Variants in SPAG17 observed in about 807,000 individuals in gnomAD.
SPAG17 encodes the protein sperm-associated antigen 17.
In SPAG17, 169 loss-of-function variants were observed where a neutral mutation model predicts 273.6. The ratio of observed to expected loss-of-function variants is 0.62; its 90% CI spans 0.55 to 0.70. The LOEUF (loss-of-function observed/expected upper bound fraction) is 0.70, where lower values mean the gene tolerates loss of function less well. SPAG17 is among the 30% of genes least tolerant of loss of function. The pLI is 0.00. For synonymous variants in SPAG17, 825 were observed against 873.2 expected (o/e 0.94, Z 0.97); for missense variants, 2,557 against 2,627.8 (o/e 0.97, Z 0.59).
chr1:118,041,837 G>A lies in SPAG17; in HGVS notation c.3020C>T (p.Ser1007Phe), dbSNP rs71670818. Residue 1007 changes from serine to phenylalanine, a missense_variant, in exon 21 of 49, where the codon TCC (serine) becomes TTC (phenylalanine). Transcript: ENST00000336338. ...TATCTTAGGTTCTGGTTGGTGGGGGGACTCTTCTGTTACTTCTTGGATCTT... is the reference window on the plus strand; with the variant it reads ...TATCTTAGGTTCTGGTTGGTGGGGGAACTCTTCTGTTACTTCTTGGATCTT... ...QVKIQEVTEE[S>F]PHQPEPKITY... The A allele has an allele frequency of 6.2e-7, 1 of 1,613,450 alleles. No homozygotes were observed. The highest frequency in any genetic ancestry group is 1.3e-5 in the African/African-American group (1 of 74,842).
rs1654572411 is a variant in SPAG17, at chr1:118,081,555, T to G, written c.1850A>C (p.Lys617Thr). ...LKLSEVDEKG[K>T]LKPSGMMCGS... ...ACACATCATCCCAGAAGGTTTCAGT[T>G]TCCCTTTTTCATCAACCTCAGAGAG... Residue 617 changes from lysine to threonine, a missense_variant, in exon 14 of 49, where the codon AAA becomes ACA. Coordinates refer to ENST00000336338, the MANE Select transcript of SPAG17 (RefSeq NM_206996.4). The G allele has an allele frequency of 1.2e-6, 2 of 1,613,904 alleles. No individual in the cohort carries two copies. The highest frequency in any genetic ancestry group is 1.7e-6 in the Non-Finnish European group (2 of 1,179,986).
chr1:118,026,281 A>T (rs1273645829), intron 26 of SPAG17, among the ~76,000 whole-genome samples: 2 of 152,234 alleles, frequency 1.3e-5, no homozygotes, highest in African/African-American at 4.8e-5. Flanking sequence ...AAGCTCCTTC[A>T]AAAGCAAGCA....
At chr1:117,966,836 T>A in intron 46 of SPAG17, 83 bp from the exon 47 acceptor site, 1 of 1,204,198 alleles carries the variant, frequency 8.3e-7, no homozygotes. Context: ...AGCAAGTTAC[T>A]TAAACTCTCT....
At chr1:118,000,849 T>G (rs1571201222) in intron 32 of SPAG17, among the ~76,000 whole-genome samples, 1 of 152,188 alleles carries the variant, frequency 6.6e-6, no homozygotes, top group African/African-American at 2.4e-5. Flanking sequence ...CCAGAACTTC[T>G]GACACTATGT....
At chr1:118,159,184 G>A (rs1659793739) in intron 1 of SPAG17, among the ~76,000 whole-genome samples, 1 of 152,202 alleles carries the variant, frequency 6.6e-6, no homozygotes, top group African/African-American at 2.4e-5. Context: ...TTGATGTTTA[G>A]ACAACACTGT....
intron 24 of SPAG17, among the ~76,000 whole-genome samples, chr1:118,033,214 C>T (rs1217225792): frequency 6.6e-6 from 1 of 152,114 alleles, no homozygotes; most frequent in Non-Finnish European, 1.5e-5. Context: ...CAGTTCCAGA[C>T]CTATATTTCT....
chr1:117,991,586 CA>C, intron 36 of SPAG17, 58 bp from the exon 37 acceptor site: 1 of 1,030,950 alleles, frequency 9.7e-7, no homozygotes, highest in Non-Finnish European at 1.4e-6. Context: ...GAGAGAGATA[CA>C]AAAATGGTCA....
intron 36 of SPAG17, 50 bp from the exon 37 acceptor site, chr1:117,991,578 G>T: frequency 8.6e-7 from 1 of 1,168,350 alleles, no homozygotes. Context: ...ATTAGGAAGA[G>T]AGAGATACAA....
rs762540191 is a variant in SPAG17 at position 118,031,793 on chromosome 1, C to T, written c.3508G>A (p.Val1170Met). ...ALTPTVVPVI[V>M]TVPQSKAKGK... ...TTAGCTTTGCTTTGAGGAACGGTCACTATAACAGGAACCACTGTTGGAGTG... is the reference window on the plus strand; with the variant it reads ...TTAGCTTTGCTTTGAGGAACGGTCATTATAACAGGAACCACTGTTGGAGTG... Residue 1170 changes from valine to methionine, a missense_variant, in exon 25 of 49, where the codon GTG (valine) becomes ATG (methionine). Val to Met is a conservative substitution (Grantham distance 21, BLOSUM62 1). Coordinates refer to ENST00000336338, the MANE Select transcript of SPAG17 (RefSeq NM_206996.4). 80 of 1,613,632 alleles carry T rather than the reference C, an allele frequency of 5.0e-5. No individual in the cohort carries two copies. Among genetic ancestry groups the T allele is most frequent in the Non-Finnish European group, 6.7e-5 (79 of 1,179,814 alleles).
intron 17 of SPAG17, among the ~76,000 whole-genome samples, chr1:118,071,572 C>T (rs1482094173): frequency 6.6e-6 from 1 of 151,910 alleles, no homozygotes; most frequent in Non-Finnish European, 1.5e-5. Context: ...ATCACTTGAA[C>T]CTGGAAGGCA....
chr1:118,060,095 T>C lies in SPAG17; in HGVS notation c.2541-4181A>G, dbSNP rs182507672. Among the ~76,000 whole-genome samples the C allele has an allele frequency of 5.2e-4, 79 of 152,288 alleles. 1 individual carries two copies. The East Asian group carries it at 0.013, about 25-fold the overall frequency. The stretch of plus-strand genomic sequence containing the variant: ...AATTTTCAATTTTGTTTTATGGTTC[T>C]TTTGTTTCTTTCCTACTCTTTTGCT... On this transcript the variant is annotated intron_variant, in intron 18 of 48. Coordinates refer to ENST00000336338, the MANE Select transcript of SPAG17 (RefSeq NM_206996.4).
chr1:118,060,116 T>C (rs1287922368), intron 18 of SPAG17, among the ~76,000 whole-genome samples: 1 of 152,162 alleles, frequency 6.6e-6, no homozygotes, highest in African/African-American at 2.4e-5. Flanking sequence ...TCCTACTCTT[T>C]TGCTGTCTTC....
At position 117,973,480 on chromosome 1, in the gene SPAG17, A is replaced by G. The variant is rs1654793694; in HGVS notation, c.6086T>C (p.Val2029Ala). 6.2e-7 allele frequency: 1 copy of G among 1,614,064 alleles called. No homozygotes were observed. The highest frequency in any genetic ancestry group is 8.5e-7 in the Non-Finnish European group (1 of 1,179,938). ...ACTCAGCAAATAATGAGGCAACTTC[A>G]CTTTTTCTTTTCTTGTTTGTCCCGC... Reference protein sequence around the residue: ...DVAGQTRKEKVKLPHYLLSSK... With the variant: ...DVAGQTRKEKAKLPHYLLSSK... Residue 2029 changes from valine to alanine, a missense_variant, in exon 44 of 49, where the codon GTG becomes GCG. Val to Ala is a moderately conservative substitution (Grantham distance 64). Coordinates refer to ENST00000336338, the MANE Select transcript of SPAG17 (RefSeq NM_206996.4).
chr1:118,121,952 G>A (rs1392675190), intron 3 of SPAG17, among the ~76,000 whole-genome samples: 2 of 151,864 alleles, frequency 1.3e-5, no homozygotes, highest in African/African-American at 4.8e-5. Context: ...GCATACAAGG[G>A]GCTATGTTTA....
At chr1:117,979,842 A>G (rs1443850728) in intron 43 of SPAG17, among the ~76,000 whole-genome samples, 4 of 152,036 alleles carry the variant, frequency 2.6e-5, no homozygotes, top group Admixed American at 2.6e-4. Flanking sequence ...TCCTTCTTAT[A>G]CTTGTCTCAA....
chr1:118,113,812 A>G (rs1224395379), intron 4 of SPAG17, among the ~76,000 whole-genome samples: 2 of 152,188 alleles, frequency 1.3e-5, no homozygotes, highest in Non-Finnish European at 2.9e-5. Flanking sequence ...AGAAATGCTG[A>G]GTAAAATAAT....
chr1:117,976,721 G>T (rs897189382), intron 43 of SPAG17, among the ~76,000 whole-genome samples: 1 of 152,110 alleles, frequency 6.6e-6, no homozygotes, highest in Non-Finnish European at 1.5e-5. Context: ...CCTTTCCCAG[G>T]GTAAACTGCC....
Position 118,011,963 on chromosome 1 carries a change from T to TTA in SPAG17, c.4432+263_4432+264dup, listed in dbSNP as rs60292020. ...TTATTTCATCACATCATATTATTTATTATATATATATATACACAATATCTG... is the reference window on the plus strand; with the variant it reads ...TTATTTCATCACATCATATTATTTATTATATATATATATATACACAATATCTG... On this transcript the variant is annotated intron_variant, in intron 30 of 48. Coordinates refer to ENST00000336338, the MANE Select transcript of SPAG17 (RefSeq NM_206996.4). Among the ~76,000 whole-genome samples, 356 of 150,880 alleles carry TTA rather than the reference T, an allele frequency of 2.4e-3. 1 individual carries two copies. The highest frequency in any genetic ancestry group is 6.8e-3 in the Middle Eastern group (2 of 292).
chr1:118,085,241 G>C (rs1654897484), intron 13 of SPAG17, among the ~76,000 whole-genome samples: 2 of 152,206 alleles, frequency 1.3e-5, no homozygotes, highest in Non-Finnish European at 2.9e-5. Flanking sequence ...TGAAAGGACA[G>C]AATGGAAAGA....
Sources: gnomAD v4.1 joint callset for allele counts (sites outside exome capture counted in the v4.1 genomes callset) on GRCh38, gnomAD v4.1.1 for gene constraint, MANE v1.5 for transcripts, NCBI Gene and HGNC (gene_info 2026-07-23, HGNC 2026-07-21) for gene names.